SYNPR: variants seen among roughly 807,000 people sequenced by gnomAD.
The protein encoded by SYNPR is synaptoporin.
A neutral mutation model predicts 32.9 loss-of-function variants in SYNPR; 23 were observed. The observed-to-expected ratio is 0.70, with a 90% CI of 0.50 to 0.99. The LOEUF is 0.99. Ranked by LOEUF, SYNPR falls within the 50% of genes least tolerant of loss-of-function variation. The pLI, the probability that SYNPR is intolerant of heterozygous loss-of-function variation, is 0.00. For synonymous variants in SYNPR, 146 were observed against 135.9 expected, an observed-to-expected ratio of 1.07 and a Z score of -0.52; for missense variants, 318 against 349.3, an observed-to-expected ratio of 0.91 and a Z score of 0.71.
chr3:63,472,748 T>A (rs567086925), intron 2 of SYNPR, among the ~76,000 whole-genome samples: 20 of 152,268 alleles, frequency 1.3e-4, no homozygotes, highest in African/African-American at 4.6e-4. Context: ...GTGTAATCAG[T>A]GTGGCCTTTC....
chr3:63,543,678 G>A lies in SYNPR; in HGVS notation c.210-12865G>A, dbSNP rs554188473. 7.9e-5 allele frequency among the ~76,000 whole-genome samples: 12 copies of A among 152,030 alleles called. No individual in the cohort carries two copies. In the South Asian group the frequency reaches 1.9e-3, roughly 24 times the overall value. ...TCCTATCAAACCCTTGCTAGACTTT[G>A]TATAAAACTGCATTTCATTGAAAAA... On this transcript the variant is annotated intron_variant, in intron 3 of 5. Transcript: ENST00000478300.
intron 1 of SYNPR, among the ~76,000 whole-genome samples, chr3:63,242,003 C>T (rs1407958107): frequency 6.6e-6 from 1 of 151,978 alleles, no homozygotes. Context: ...AGAAACTATA[C>T]ATTGTGGAAG....
chr3:63,242,268 C>T (rs536330035), intron 1 of SYNPR, among the ~76,000 whole-genome samples: 1 of 151,928 alleles, frequency 6.6e-6, no homozygotes, highest in Admixed American at 6.6e-5. Context: ...CAGGTACAGG[C>T]CCTAATGGCT....
chr3:63,375,251 A>G (rs974054666), intron 2 of SYNPR, among the ~76,000 whole-genome samples: 1 of 152,158 alleles, frequency 6.6e-6, no homozygotes, highest in Admixed American at 6.6e-5. Flanking sequence ...AAATCATGCT[A>G]CTATAAAGAC....
intron 1 of SYNPR, among the ~76,000 whole-genome samples, chr3:63,239,580 CAT>C (rs148942483): frequency 8.2e-4 from 123 of 150,434 alleles, no homozygotes; most frequent in African/African-American, 2.9e-3. Context: ...TCAGGTGTGT[CAT>C]GTGCCCATTC....
chr3:63,455,398 G>A (rs1486996811), intron 2 of SYNPR, among the ~76,000 whole-genome samples: 2 of 151,992 alleles, frequency 1.3e-5, no homozygotes, highest in African/African-American at 4.8e-5. Flanking sequence ...ACTCTACTTG[G>A]AATTATTTCT....
At chr3:63,456,321 ATT>A (rs1342007803) in intron 2 of SYNPR, among the ~76,000 whole-genome samples, 1 of 152,094 alleles carries the variant, frequency 6.6e-6, no homozygotes, top group Non-Finnish European at 1.5e-5. Context: ...ATTGACAATC[ATT>A]TAGAATTCAC....
chr3:63,362,095 G>A (rs774537149), intron 2 of SYNPR, among the ~76,000 whole-genome samples: 12 of 152,116 alleles, frequency 7.9e-5, no homozygotes, highest in Non-Finnish European at 1.8e-4. Context: ...CCATTTAAGG[G>A]CTGGTGCATT....
chr3:63,449,565 T>C (rs1156813648), intron 2 of SYNPR, among the ~76,000 whole-genome samples: 2 of 152,130 alleles, frequency 1.3e-5, no homozygotes, highest in South Asian at 2.1e-4. Context: ...CATTGCCAAA[T>C]TGCCCCTGGC....
intron 3 of SYNPR, among the ~76,000 whole-genome samples, chr3:63,488,815 T>G (rs190585035): frequency 6.6e-6 from 1 of 152,104 alleles, no homozygotes; most frequent in Non-Finnish European, 1.5e-5. Flanking sequence ...TTGTAGGGAA[T>G]GTCTTGGGGA....
chr3:63,491,834 T>C (rs946192349), intron 3 of SYNPR, among the ~76,000 whole-genome samples: 1 of 152,244 alleles, frequency 6.6e-6, no homozygotes, highest in African/African-American at 2.4e-5. Context: ...ATGTGTATGA[T>C]TTAAATGCTA....
intron 3 of SYNPR, among the ~76,000 whole-genome samples, chr3:63,550,477 G>T (rs1348961117): frequency 7.0e-6 from 1 of 143,436 alleles, no homozygotes; most frequent in Admixed American, 6.8e-5. Context: ...TGTTAATAAG[G>T]TCTTTTAGTA....
chr3:63,549,262 A>G (rs939889804), intron 3 of SYNPR, among the ~76,000 whole-genome samples: 2 of 152,256 alleles, frequency 1.3e-5, no homozygotes, highest in Non-Finnish European at 2.9e-5. Flanking sequence ...ACATTGGTTT[A>G]GAATCCTATT....
At chr3:63,579,262 C>T (rs1703047195) in intron 4 of SYNPR, among the ~76,000 whole-genome samples, 1 of 152,060 alleles carries the variant, frequency 6.6e-6, no homozygotes, top group African/African-American at 2.4e-5. Context: ...AGGCTTGCTC[C>T]CATCTCAGGG....
At chr3:63,470,585 CT>C (rs1235029555) in intron 2 of SYNPR, among the ~76,000 whole-genome samples, 1 of 152,162 alleles carries the variant, frequency 6.6e-6, no homozygotes, top group Non-Finnish European at 1.5e-5. Context: ...CTTGACAATG[CT>C]GTGTTTCCTT....
intron 3 of SYNPR, among the ~76,000 whole-genome samples, chr3:63,534,647 T>C (rs1480060298): frequency 6.6e-6 from 1 of 152,168 alleles, no homozygotes; most frequent in Non-Finnish European, 1.5e-5. Flanking sequence ...AAGAGGTTTA[T>C]TTGGCTTACA....
At chr3:63,220,472 C>T in the SYNPR span, among the ~76,000 whole-genome samples, 1 of 152,108 alleles carries the variant, frequency 6.6e-6, no homozygotes, top group Non-Finnish European at 1.5e-5. Context: ...TTGAAAATCA[C>T]ATTTTTCCTT....
At chr3:63,217,297 C>G in the SYNPR span, among the ~76,000 whole-genome samples, 2 of 37,988 alleles carry the variant, frequency 5.3e-5, 1 homozygote, top group African/African-American at 1.8e-4. Flanking sequence ...GGCGGGCGCC[C>G]CTCCCCCAGC....
intron 2 of SYNPR, among the ~76,000 whole-genome samples, chr3:63,429,008 A>G (rs1460021122): frequency 6.6e-6 from 1 of 152,204 alleles, no homozygotes; most frequent in African/African-American, 2.4e-5. Context: ...CATTTTGTTC[A>G]ATCAATATGC....
Sources: gnomAD v4.1 joint callset for allele counts (sites outside exome capture counted in the v4.1 genomes callset) on GRCh38, gnomAD v4.1.1 for gene constraint, MANE v1.5 for transcripts, NCBI Gene and HGNC (gene_info 2026-07-23, HGNC 2026-07-21) for gene names.